Variants in USP38 observed in about 807,000 individuals in gnomAD.
USP38 encodes the protein ubiquitin carboxyl-terminal hydrolase 38.
In USP38, 49 loss-of-function variants were observed where a neutral mutation model predicts 94.3. The ratio of observed to expected loss-of-function variants is 0.52; its 90% confidence interval spans 0.41 to 0.66. The LOEUF is 0.66. Ranked by LOEUF, USP38 falls within the 30% of genes least tolerant of loss-of-function variation. USP38 has a pLI of 0.00. For missense variants in USP38, 1,128 were observed against 1,229.4 expected (o/e 0.92, Z 1.23); for synonymous variants, 468 against 463.6 (o/e 1.01, Z -0.12).
chr4:143,203,516 CATT>C lies in USP38; in HGVS notation c.1163_1165del (p.Tyr388del). On this transcript the variant is annotated inframe_deletion, in exon 5 of 10. Coordinates refer to ENST00000307017, the MANE Select transcript of USP38 (RefSeq NM_032557.6). Reference sequence around the variant, plus strand: ...AGAATTGATACACTGTATGATGTATCATTATTCTGGATTTCCAGATCTCTATGA... The same window carrying C: ...AGAATTGATACACTGTATGATGTATCATTCTGGATTTCCAGATCTCTATGA... 12 of 1,612,770 alleles carry C rather than the reference CATT, an allele frequency of 7.4e-6. No individual in the cohort carries two copies. Among genetic ancestry groups the C allele is most frequent in the Non-Finnish European group, 1.0e-5 (12 of 1,179,442 alleles).
At chr4:143,206,582 C>T (rs140679451) in intron 6 of USP38, among the ~76,000 whole-genome samples, 1,893 of 152,048 alleles carry the variant, frequency 0.012, 36 homozygotes, top group African/African-American at 0.042. Context: ...CCCAGCTACT[C>T]GGGAGGCTGA....
intron 8 of USP38, among the ~76,000 whole-genome samples, chr4:143,212,762 G>C (rs1052760813): frequency 2.5e-4 from 38 of 152,030 alleles, no homozygotes; most frequent in Admixed American, 1.9e-3. Context: ...TATAACAATA[G>C]AATGCAGAGA....
At chr4:143,217,396 TTATAAA>T (rs1485470853) in intron 9 of USP38, among the ~76,000 whole-genome samples, 1 of 152,194 alleles carries the variant, frequency 6.6e-6, no homozygotes, top group African/African-American at 2.4e-5. Flanking sequence ...GATATAATTA[TTATAAA>T]TATATGTCAT....
At chr4:143,187,413 A>T (rs539470778) in intron 1 of USP38, among the ~76,000 whole-genome samples, 23 of 152,188 alleles carry the variant, frequency 1.5e-4, no homozygotes, top group Non-Finnish European at 2.1e-4. Context: ...CCTTAGAGGG[A>T]TGTAATGATC....
chr4:143,185,631 G>A lies in USP38; in HGVS notation c.181G>A (p.Gly61Arg), dbSNP rs772663319. ...EGQDPFQRQV[G>R]HQVLEAYARY... Reference sequence around the variant, plus strand: ...CCAGGACCCTTTCCAGCGGCAGGTGGGGCACCAGGTGCTGGAGGCCTACGC... The same window carrying A: ...CCAGGACCCTTTCCAGCGGCAGGTGAGGCACCAGGTGCTGGAGGCCTACGC... The change falls in exon 1 of 10, where the codon GGG (glycine) becomes AGG (arginine). Residue 61 changes from glycine (G) to arginine (R), a missense_variant. By Grantham distance (125) the Gly-to-Arg change is moderately radical (BLOSUM62 -2). Transcript: ENST00000307017. The A allele has an allele frequency of 1.2e-6, 2 of 1,614,028 alleles. No homozygotes were observed. Among genetic ancestry groups the A allele is most frequent in the African/African-American group, 2.7e-5 (2 of 74,922 alleles).
At chr4:143,204,365 C>A in intron 5 of USP38, 1 of 446,568 alleles carries the variant, frequency 2.2e-6, no homozygotes. Flanking sequence ...TACTGTGTTT[C>A]AATTTTATAT....
At chr4:143,218,183 A>G (rs1014658932) in intron 9 of USP38, among the ~76,000 whole-genome samples, 8 of 152,098 alleles carry the variant, frequency 5.3e-5, no homozygotes, top group Non-Finnish European at 8.8e-5. Context: ...TCATACATTC[A>G]GAAGAGTATA....
Position 143,212,278 on chromosome 4 carries a change from A to T in USP38, c.1498-40A>T, listed in dbSNP as rs200058703. On this transcript the variant is annotated intron_variant, in intron 7 of 9. Transcript: ENST00000307017. ...ATTTCAGTTACTTGGTTCATGCTAT[A>T]AGAATCACTTCCTTATATTTTCTCA... is the stretch of plus-strand genomic sequence containing the variant. 16 of 1,498,892 alleles carry T rather than the reference A, an allele frequency of 1.1e-5. No homozygotes were observed. The East Asian group carries it at 3.7e-4, about 34-fold the overall frequency. 92.8% of individuals were successfully genotyped at this position (1,498,892 alleles called of 1,614,324 possible). A position where few individuals can be genotyped will look rare whatever the true frequency, so the allele number is the denominator to read the frequency against.
Position 143,185,505 on chromosome 4 carries a change from C to G in USP38, c.55C>G (p.Arg19Gly). ...VSSSHPLPLK[R>G]VIVRKVVESA... ...TTCCTCGCATCCCCTGCCCCTCAAG[C>G]GGGTGATTGTGCGGAAGGTGGTGGA... The change falls in exon 1 of 10, where the codon CGG becomes GGG. Residue 19 changes from arginine (R) to glycine (G), a missense_variant. Transcript: ENST00000307017. 2 of 1,610,198 alleles carry G rather than the reference C, an allele frequency of 1.2e-6. No homozygotes were observed. Among genetic ancestry groups the G allele is most frequent in the Non-Finnish European group, 1.7e-6 (2 of 1,177,792 alleles).
intron 9 of USP38, 36 bp from the exon 10 acceptor site, chr4:143,220,259 G>A (rs747908202): frequency 2.5e-6 from 4 of 1,582,192 alleles, no homozygotes; most frequent in Admixed American, 1.8e-5. Flanking sequence ...ATTGTATTTA[G>A]CATTTTAATT....
rs1284306129 is a variant in USP38 at position 143,185,594 on chromosome 4, C to T, written c.144C>T (p.Leu48=). ...CEAMFDLTTR[L]ILEGQDPFQR... ...CCATGTTTGACCTGACGACCCGGCT[C>T]ATCCTGGAGGGCCAGGACCCTTTCC... Residue 48 remains leucine, a synonymous_variant, in exon 1 of 10, where the codon CTC becomes CTT. Coordinates refer to ENST00000307017, the MANE Select transcript of USP38 (RefSeq NM_032557.6). The T allele has an allele frequency of 1.9e-6, 3 of 1,614,176 alleles. No homozygotes were observed. The highest frequency in any genetic ancestry group is 1.3e-5 in the African/African-American group (1 of 75,054).
rs1370366324 is a variant in USP38, at chr4:143,220,307, A to G, written c.2980A>G (p.Asn994Asp). The change falls in exon 10 of 10, where the codon AAT (asparagine) becomes GAT (aspartate). Residue 994 changes from asparagine to aspartate, a missense_variant. Asn to Asp is a conservative substitution (Grantham distance 23). Transcript: ENST00000307017. ...TTTTTAATTTTAGGAACAAGAGTTG[A>G]ATGCTCGAGCCCGGGCCCTCCAAGC... ...NKLYLQEQEL[N>D]ARARALQAAS... The G allele has an allele frequency of 1.2e-6, 2 of 1,608,924 alleles. No individual in the cohort carries two copies. Among genetic ancestry groups the G allele is most frequent in the African/African-American group, 2.7e-5 (2 of 74,524 alleles).
chr4:143,209,546 C>A lies in USP38; in HGVS notation c.1404-18C>A. Reference sequence around the variant, plus strand: ...TGTTTGTACGCACATATATATAAATCATTATATTCTCTTTCAGTTTCAGGA... The same window carrying A: ...TGTTTGTACGCACATATATATAAATAATTATATTCTCTTTCAGTTTCAGGA... On this transcript the variant is annotated intron_variant, in intron 6 of 9. Transcript: ENST00000307017. 1.4e-6 allele frequency: 2 copies of A among 1,385,304 alleles called. No homozygotes were observed. Among genetic ancestry groups the A allele is most frequent in the South Asian group, 1.2e-5 (1 of 84,176 alleles). 85.8% of individuals were successfully genotyped at this position (1,385,304 alleles called of 1,614,324 possible).
intron 5 of USP38, among the ~76,000 whole-genome samples, chr4:143,204,094 G>A (rs904185127): frequency 4.0e-5 from 6 of 151,258 alleles, no homozygotes; most frequent in South Asian, 2.1e-4. Context: ...CGATTCTTCC[G>A]CCTCAGCCTC....
chr4:143,204,875 A>G (rs765198832), intron 5 of USP38, among the ~76,000 whole-genome samples: 2 of 152,194 alleles, frequency 1.3e-5, no homozygotes, highest in Non-Finnish European at 2.9e-5. Flanking sequence ...AGGTCTTATT[A>G]TCTTTACTTC....
intron 2 of USP38, among the ~76,000 whole-genome samples, chr4:143,190,079 G>A (rs956330212): frequency 1.3e-5 from 2 of 151,934 alleles, no homozygotes; most frequent in South Asian, 2.1e-4. Context: ...CTTCTGTGCC[G>A]TATTTAGCAG....
chr4:143,185,499 C>T lies in USP38; in HGVS notation c.49C>T (p.Leu17Phe). The T allele has an allele frequency of 1.9e-6, 3 of 1,609,258 alleles. No individual in the cohort carries two copies. The highest frequency in any genetic ancestry group is 2.2e-5 in the East Asian group (1 of 44,818). ...TGTGAGTTCCTCGCATCCCCTGCCC[C>T]TCAAGCGGGTGATTGTGCGGAAGGT... is the stretch of plus-strand genomic sequence containing the variant. ...GLVSSSHPLP[L>F]KRVIVRKVVE... is the part of the protein sequence containing the mutation. The change falls in exon 1 of 10, where the codon CTC becomes TTC. Residue 17 changes from leucine to phenylalanine, a missense_variant. Leu to Phe is a conservative substitution (Grantham distance 22, BLOSUM62 0). Transcript: ENST00000307017.
rs545267432 is a variant in USP38, at chr4:143,220,715, C to G, written c.*259C>G. 3 of 274,872 alleles carry G rather than the reference C, an allele frequency of 1.1e-5. No individual in the cohort carries two copies. The highest frequency in any genetic ancestry group is 1.3e-5 in the Non-Finnish European group (2 of 150,156). The allele number at this position is 274,872 out of a possible 1,614,324, so 17.0% of individuals were successfully genotyped here. A position where few individuals can be genotyped will look rare whatever the true frequency, so the allele number is the denominator to read the frequency against. ...AAAAATGTTCAGAAGAAAATATGTA[C>G]CTGGTCCCTAATTAAGCTGCGTTAA... On this transcript the variant is annotated 3_prime_UTR_variant, in exon 10 of 10. Coordinates refer to ENST00000307017, the MANE Select transcript of USP38 (RefSeq NM_032557.6).
chr4:143,212,884 T>C (rs1005472063), intron 8 of USP38, among the ~76,000 whole-genome samples: 7 of 152,188 alleles, frequency 4.6e-5, no homozygotes, highest in African/African-American at 1.7e-4. Flanking sequence ...AACTTTTTCA[T>C]TTTTAAAATG....
Sources: allele counts gnomAD v4.1 joint callset (sites outside exome capture counted in the v4.1 genomes callset), GRCh38; gene constraint gnomAD v4.1.1; transcripts MANE v1.5; gene names NCBI Gene and HGNC (gene_info 2026-07-23, HGNC 2026-07-21).